The following MYO9A variants were observed in gnomAD, a reference collection of about 807,000 sequenced individuals.
MYO9A encodes unconventional myosin-IXa.
Under a neutral mutation model 293.3 loss-of-function variants are expected in MYO9A, and 103 were observed. That is an observed-to-expected ratio of 0.35 (90% CI 0.30 to 0.41). MYO9A has a LOEUF of 0.41. MYO9A is among the 10% of genes least tolerant of loss of function. The pLI is 1.00. For synonymous variants in MYO9A, 1,001 were observed against 1,035.7 expected (o/e 0.97, Z 0.64); for missense variants, 2,685 against 3,033.0 (o/e 0.89, Z 2.69).
At chr15:72,010,125 A>G (rs2077130492) in intron 7 of MYO9A, among the ~76,000 whole-genome samples, 1 of 152,232 alleles carries the variant, frequency 6.6e-6, no homozygotes, top group African/African-American at 2.4e-5. Flanking sequence ...ATTTATATGC[A>G]AATTGTTAAG....
At chr15:71,861,692 A>C (rs530263925) in intron 33 of MYO9A, among the ~76,000 whole-genome samples, 28 of 140,050 alleles carry the variant, frequency 2.0e-4, no homozygotes, top group South Asian at 4.6e-4. Context: ...AAAAAAAAAA[A>C]AAAAAAAAAC....
chr15:72,094,480 G>T (rs2080015075), intron 1 of MYO9A, among the ~76,000 whole-genome samples: 1 of 90,670 alleles, frequency 1.1e-5, no homozygotes, highest in Admixed American at 1.2e-4. Context: ...GGTAATTCTT[G>T]CAGTATTTCA....
In MYO9A at chr15:72,009,447, G is replaced by A. The variant is rs1028133417; in HGVS notation, c.1253+903C>T. ...AGGTTAAAAATTAACAACAGAGGGC[G>A]GGCGCAGTGGCTCATGCTGGTAATC... On this transcript the variant is annotated intron_variant, in intron 7 of 41. Transcript: ENST00000356056. Among the ~76,000 whole-genome samples, 12 of 152,138 alleles carry A rather than the reference G, an allele frequency of 7.9e-5. No homozygotes were observed. In the South Asian group the frequency reaches 1.2e-3, roughly 16 times the overall value.
chr15:71,920,429 C>A lies in MYO9A; in HGVS notation c.2563-3937G>T, dbSNP rs118178108. On this transcript the variant is annotated intron_variant, in intron 18 of 41. Transcript: ENST00000356056. ...GGTATTAGTACCTTGATAAAAGAGGCCCAAAAGAGCTGCCATGTTAAAACA... is the reference window on the plus strand; with the variant it reads ...GGTATTAGTACCTTGATAAAAGAGGACCAAAAGAGCTGCCATGTTAAAACA... Among the ~76,000 whole-genome samples the A allele has an allele frequency of 6.1e-4, 93 of 152,118 alleles. 2 individuals carry two copies. The East Asian group carries it at 0.015, about 25-fold the overall frequency.
At chr15:71,956,333 A>T (rs1293639214) in intron 14 of MYO9A, among the ~76,000 whole-genome samples, 1 of 93,538 alleles carries the variant, frequency 1.1e-5, no homozygotes, top group South Asian at 3.7e-4. Context: ...AAAAAAAAAT[A>T]TATATATATA....
intron 8 of MYO9A, among the ~76,000 whole-genome samples, chr15:72,006,392 G>C (rs2077018552): frequency 6.6e-6 from 1 of 152,000 alleles, no homozygotes; most frequent in Non-Finnish European, 1.5e-5. Context: ...TGAGCCGCCA[G>C]ACATAAATAA....
intron 12 of MYO9A, among the ~76,000 whole-genome samples, chr15:71,977,048 A>G (rs1213972832): frequency 6.6e-6 from 1 of 152,198 alleles, no homozygotes; most frequent in Non-Finnish European, 1.5e-5. Flanking sequence ...TAGGATAATC[A>G]ACTGTATTTT....
Position 71,852,264 on chromosome 15 carries a change from T to C in MYO9A, c.6347-4A>G, listed in dbSNP as rs745956691. ...TCTAGATTTACACTCTCAGCATCTA[T>C]TTAGAGACAAGAGTTAGATTAACAG... On this transcript the variant is annotated splice_region_variant and splice_polypyrimidine_tract_variant and intron_variant, in intron 35 of 41. Coordinates refer to ENST00000356056, the MANE Select transcript of MYO9A (RefSeq NM_006901.4). The C allele has an allele frequency of 2.9e-5, 46 of 1,601,362 alleles. No homozygotes were observed. Among genetic ancestry groups the C allele is most frequent in the East Asian group, 2.5e-4 (11 of 44,620 alleles).
chr15:71,860,523 C>T (rs1352313243), intron 33 of MYO9A, among the ~76,000 whole-genome samples: 1 of 152,190 alleles, frequency 6.6e-6, no homozygotes, highest in Admixed American at 6.5e-5. Context: ...GCTCTGGCTT[C>T]TGTGTACCAA....
At chr15:71,888,568 ATGATT>A (rs2142924806) in intron 26 of MYO9A, 1 of 152,534 alleles carries the variant, frequency 6.6e-6, no homozygotes, top group African/African-American at 2.4e-5. Context: ...GGAATATGCA[ATGATT>A]TTTAAAGAGC....
chr15:71,829,875 C>G (rs966855362), intron 40 of MYO9A, among the ~76,000 whole-genome samples: 5 of 152,130 alleles, frequency 3.3e-5, no homozygotes, highest in African/African-American at 1.2e-4. Flanking sequence ...TACAGACCAT[C>G]ACTGTAGCAG....
At chr15:72,105,674 A>T (rs141323924) in intron 1 of MYO9A, among the ~76,000 whole-genome samples, 2 of 151,852 alleles carry the variant, frequency 1.3e-5, no homozygotes, top group East Asian at 3.9e-4. Context: ...CGCCCAGCTA[A>T]TTTTGTATTT....
chr15:72,069,524 T>C (rs1261461249), intron 1 of MYO9A, among the ~76,000 whole-genome samples: 15 of 152,166 alleles, frequency 9.9e-5, no homozygotes, highest in Admixed American at 9.8e-4. Flanking sequence ...TCACAATCCC[T>C]ACTATCAACA....
At chr15:72,034,122 C>T (rs944757278) in intron 2 of MYO9A, among the ~76,000 whole-genome samples, 5 of 152,218 alleles carry the variant, frequency 3.3e-5, no homozygotes, top group African/African-American at 1.2e-4. Context: ...GCAACTACAT[C>T]TGTACTCAAG....
At position 71,898,197 on chromosome 15, in the gene MYO9A, C is replaced by G; in HGVS notation, c.4306G>C (p.Asp1436His). 6.2e-7 allele frequency: 1 copy of G among 1,613,952 alleles called. No homozygotes were observed. Among genetic ancestry groups the G allele is most frequent in the Non-Finnish European group, 8.5e-7 (1 of 1,180,000 alleles). Residue 1436 changes from aspartate (D) to histidine (H), a missense_variant, in exon 25 of 42, where the codon GAC becomes CAC. Coordinates refer to ENST00000356056, the MANE Select transcript of MYO9A (RefSeq NM_006901.4). ...QDPLKTNSQL[D>H]TSIQRNKLLE... ...AGTTTGTTTCTTTGGATACTTGTGT[C>G]TAGTTGGGAATTTGTTTTCAGTGGG...
intron 40 of MYO9A, among the ~76,000 whole-genome samples, chr15:71,828,618 G>C (rs1000621529): frequency 3.3e-5 from 5 of 151,944 alleles, no homozygotes; most frequent in Non-Finnish European, 7.4e-5. Flanking sequence ...TCTTCATCAC[G>C]GTCACCCAGC....
chr15:72,022,810 A>G (rs549656628), intron 4 of MYO9A, among the ~76,000 whole-genome samples: 17 of 152,222 alleles, frequency 1.1e-4, no homozygotes, highest in East Asian at 5.8e-4. Flanking sequence ...TTGGCCTCCC[A>G]AAGTGCTGGG....
chr15:71,860,266 C>A (rs886438179), intron 33 of MYO9A, among the ~76,000 whole-genome samples: 76 of 152,230 alleles, frequency 5.0e-4, no homozygotes, highest in African/African-American at 1.8e-3. Flanking sequence ...AATTGGGTAG[C>A]ACAGTTTAAG....
chr15:71,889,557 G>A (rs1438254408), intron 26 of MYO9A: 1 of 146,828 alleles, frequency 6.8e-6, no homozygotes, highest in Non-Finnish European at 1.5e-5. Flanking sequence ...CTGGGCCCCA[G>A]TTATCCTCCT....
Sources: gnomAD v4.1 joint callset for allele counts (sites outside exome capture counted in the v4.1 genomes callset) on GRCh38, gnomAD v4.1.1 for gene constraint, MANE v1.5 for transcripts, NCBI Gene and HGNC (gene_info 2026-07-23, HGNC 2026-07-21) for gene names.